The following IARS2 variants were observed in gnomAD, a reference collection of about 807,000 sequenced individuals.
IARS2 encodes isoleucyl-tRNA synthetase 2, mitochondrial.
IARS2 carries 56 observed loss-of-function variants against 126.3 expected under a neutral mutation model. The observed-to-expected ratio is 0.44, with a 90% CI of 0.36 to 0.55. The LOEUF is 0.55. Among genes scored for constraint, IARS2 ranks in the 20% least tolerant of loss-of-function variants. The pLI is 0.00. For missense variants in IARS2, 1,127 were observed against 1,245.9 expected, an observed-to-expected ratio of 0.90 and a Z score of 1.44; for synonymous variants, 407 against 441.1, an observed-to-expected ratio of 0.92 and a Z score of 0.97.
rs1490664401 is a variant in IARS2, at chr1:220,102,715, C to T, written c.888C>T (p.Val296=). 9.3e-6 allele frequency: 15 copies of T among 1,613,316 alleles called. No individual in the cohort carries two copies. In the African/African-American group the frequency reaches 1.9e-4, roughly 20 times the overall value. Residue 296 remains valine, a synonymous_variant, in exon 7 of 23, where the codon GTC becomes GTT. Transcript: ENST00000366922. ...IDGSSPVSIL[V]WTTQPWTIPA... is the part of the protein sequence containing the mutation. ...GTTCATCTCCTGTTAGTATTTTGGTCTGGACCACACAACCTTGGACGATTC... is the reference window on the plus strand; with the variant it reads ...GTTCATCTCCTGTTAGTATTTTGGTTTGGACCACACAACCTTGGACGATTC...
intron 9 of IARS2, among the ~76,000 whole-genome samples, chr1:220,106,824 G>A (rs192944965): frequency 2.3e-3 from 344 of 151,940 alleles, no homozygotes; most frequent in African/African-American, 8.2e-3. Flanking sequence ...GTGGAAGTGG[G>A]TTTCACCATG....
At chr1:220,110,724 C>T in intron 10 of IARS2, 62 bp from the exon 11 acceptor site, 3 of 1,298,504 alleles carry the variant, frequency 2.3e-6, no homozygotes. Flanking sequence ...AAGTTTAGAG[C>T]ATTTTTAGGA....
chr1:220,131,197 G>T (rs1007887754), intron 14 of IARS2, among the ~76,000 whole-genome samples: 4 of 151,882 alleles, frequency 2.6e-5, no homozygotes, highest in Non-Finnish European at 4.4e-5. Flanking sequence ...ATTTATTTGA[G>T]ACAGAGTCTC....
chr1:220,126,062 G>A (rs1435208285), intron 13 of IARS2, among the ~76,000 whole-genome samples: 4 of 146,622 alleles, frequency 2.7e-5, no homozygotes, highest in African/African-American at 5.1e-5. Flanking sequence ...AGCCGAGATC[G>A]CACCACTGCA....
chr1:220,094,196 G>A lies in IARS2; in HGVS notation c.-21G>A, dbSNP rs1183556967. ...AGCTGGGGCGGGAGCGGAGGACCCC[G>A]CTCTCAGGGGTTGCCGGACCATGCG... On this transcript the variant is annotated 5_prime_UTR_variant, in exon 1 of 23. Coordinates refer to ENST00000366922, the MANE Select transcript of IARS2 (RefSeq NM_018060.4). The A allele has an allele frequency of 6.5e-7, 1 of 1,535,268 alleles. No homozygotes were observed. The highest frequency in any genetic ancestry group is 2.0e-5 in the Admixed American group (1 of 49,338).
intron 8 of IARS2, among the ~76,000 whole-genome samples, chr1:220,104,608 C>T (rs1656643136): frequency 6.6e-6 from 1 of 151,780 alleles, no homozygotes; most frequent in African/African-American, 2.4e-5. Context: ...TGGTCTTGAA[C>T]TCCTGGCCTC....
intron 18 of IARS2, among the ~76,000 whole-genome samples, chr1:220,139,722 G>T (rs1657449598): frequency 1.3e-5 from 2 of 152,116 alleles, no homozygotes; most frequent in Non-Finnish European, 1.5e-5. Flanking sequence ...CTGCACTCCA[G>T]CCTGGTTGAC....
intron 12 of IARS2, among the ~76,000 whole-genome samples, chr1:220,123,534 C>T (rs1212639713): frequency 1.3e-5 from 2 of 152,080 alleles, no homozygotes; most frequent in Admixed American, 6.5e-5. Context: ...AGTGCAGTGG[C>T]GCGATCTCAG....
At chr1:220,107,809 A>G (rs2102821162) in intron 10 of IARS2, among the ~76,000 whole-genome samples, 1 of 152,278 alleles carries the variant, frequency 6.6e-6, no homozygotes, top group Non-Finnish European at 1.5e-5. Context: ...GCCTCTTTCT[A>G]GCTTTTGGTG....
At position 220,103,517 on chromosome 1, in the gene IARS2, G is replaced by T; in HGVS notation, c.1021G>T (p.Ala341Ser). Reference protein sequence around the residue: ...VLAADKVASVASTLETTFETI... With the variant: ...VLAADKVASVSSTLETTFETI... Reference sequence around the variant, plus strand: ...GGCGGCAGATAAAGTAGCATCTGTTGCTTCTACTTTGGAAACAACATTTGA... The same window carrying T: ...GGCGGCAGATAAAGTAGCATCTGTTTCTTCTACTTTGGAAACAACATTTGA... Residue 341 changes from alanine (A) to serine (S), a missense_variant, in exon 8 of 23, where the codon GCT becomes TCT. Transcript: ENST00000366922. 6.2e-7 allele frequency: 1 copy of T among 1,613,554 alleles called. No homozygotes were observed. The highest frequency in any genetic ancestry group is 8.5e-7 in the Non-Finnish European group (1 of 1,179,616).
chr1:220,098,897 A>C (rs1656507381), intron 2 of IARS2, among the ~76,000 whole-genome samples: 1 of 152,124 alleles, frequency 6.6e-6, no homozygotes, highest in South Asian at 2.1e-4. Context: ...ATATGACTGA[A>C]AGCAACACTA....
At chr1:220,123,853 G>A (rs1342200343) in intron 12 of IARS2, among the ~76,000 whole-genome samples, 2 of 152,190 alleles carry the variant, frequency 1.3e-5, no homozygotes, top group Non-Finnish European at 2.9e-5. Context: ...ATTTATCTGT[G>A]AATTATCAGG....
At position 220,125,219 on chromosome 1, in the gene IARS2, A is replaced by G. The variant is rs779163430; in HGVS notation, c.1641-18A>G. On this transcript the variant is annotated intron_variant, in intron 12 of 22. Coordinates refer to ENST00000366922, the MANE Select transcript of IARS2 (RefSeq NM_018060.4). The stretch of plus-strand genomic sequence containing the variant: ...CAATAGTTAATTGAATAATTCTGCC[A>G]TGTCCCCCCTGAAATAGCCAAACCA... 1 of 1,457,660 alleles carries G rather than the reference A, an allele frequency of 6.9e-7. No homozygotes were observed. The highest frequency in any genetic ancestry group is 1.4e-5 in the African/African-American group (1 of 72,028). The allele number at this position is 1,457,660 out of a possible 1,614,324, so 90.3% of individuals were successfully genotyped here.
rs142127832 is a variant in IARS2 at position 220,136,892 on chromosome 1, T to G, written c.2030T>G (p.Val677Gly). Reference protein sequence around the residue: ...KSLGNVIHPDVVVNGGQDQSK... With the variant: ...KSLGNVIHPDGVVNGGQDQSK... ...CTTGGGAATGTCATTCATCCTGATG[T>G]TGTCGTTAATGGAGGACAAGTAGGT... The change falls in exon 16 of 23, where the codon GTT becomes GGT. Residue 677 changes from valine (V) to glycine (G), a missense_variant. Physicochemically the swap from Val to Gly is moderately radical, Grantham distance 109. Coordinates refer to ENST00000366922, the MANE Select transcript of IARS2 (RefSeq NM_018060.4). 6.2e-7 allele frequency: 1 copy of G among 1,603,244 alleles called. No individual in the cohort carries two copies. Among genetic ancestry groups the G allele is most frequent in the African/African-American group, 1.3e-5 (1 of 74,650 alleles).
At chr1:220,103,597 C>A in intron 8 of IARS2, 35 bp downstream of exon 8, 1 of 1,332,946 alleles carries the variant, frequency 7.5e-7, no homozygotes, top group Non-Finnish European at 1.1e-6. Context: ...ACATAGTCAT[C>A]AAAGTATTGG....
In IARS2 at chr1:220,112,381, G is replaced by A. The variant is rs1215194477; in HGVS notation, c.1479+1444G>A. 9.7e-5 allele frequency among the ~76,000 whole-genome samples: 6 copies of A among 61,702 alleles called. 2 individuals carry two copies. Among genetic ancestry groups the A allele is most frequent in the African/African-American group, 2.9e-4 (4 of 13,598 alleles). The allele number at this position is 61,702 out of a possible 152,430, so 40.5% of individuals were successfully genotyped here. A position where few individuals can be genotyped will look rare whatever the true frequency, so the allele number is the denominator to read the frequency against. ...GATCTCCTGACCTCATGATCCACCC[G>A]CCTCGGCCTCCCAAAGTGCTGGGAT... On this transcript the variant is annotated intron_variant, in intron 11 of 22. Coordinates refer to ENST00000366922, the MANE Select transcript of IARS2 (RefSeq NM_018060.4).
Position 220,102,381 on chromosome 1 carries a change from T to C in IARS2, c.718T>C (p.Tyr240His). Reference protein sequence around the residue: ...MYDKGLVYRSYKPVFWSPSSR... With the variant: ...MYDKGLVYRSHKPVFWSPSSR... The stretch of plus-strand genomic sequence containing the variant: ...TTTATAGGGCTTGGTTTATCGATCT[T>C]ACAAACCTGTGTTTTGGTCTCCGTC... Residue 240 changes from tyrosine (Y) to histidine (H), a missense_variant, in exon 5 of 23, where the codon TAC becomes CAC. Tyr to His is a moderately conservative substitution (Grantham distance 83). Transcript: ENST00000366922. 6.2e-7 allele frequency: 1 copy of C among 1,613,884 alleles called. No homozygotes were observed. Among genetic ancestry groups the C allele is most frequent in the Non-Finnish European group, 8.5e-7 (1 of 1,179,960 alleles).
chr1:220,096,258 G>T (rs1656436900), intron 2 of IARS2, 32 bp downstream of exon 2: 1 of 1,411,026 alleles, frequency 7.1e-7, no homozygotes, highest in Admixed American at 2.2e-5. Context: ...ACACTTGAAA[G>T]AAAGTGTTTA....
chr1:220,125,708 G>A (rs1002924926), intron 13 of IARS2, among the ~76,000 whole-genome samples: 6 of 152,054 alleles, frequency 3.9e-5, no homozygotes, highest in Non-Finnish European at 7.4e-5. Context: ...GGGAGGTTGA[G>A]GGGGGAGGAT....
Sources: gnomAD v4.1 joint callset for allele counts (sites outside exome capture counted in the v4.1 genomes callset) on GRCh38, gnomAD v4.1.1 for gene constraint, MANE v1.5 for transcripts, NCBI Gene and HGNC (gene_info 2026-07-23, HGNC 2026-07-21) for gene names.